Variants in MCM3AP observed in about 807,000 individuals in gnomAD.
MCM3AP encodes germinal-center associated nuclear protein.
A neutral mutation model predicts 184.1 loss-of-function variants in MCM3AP; 126 were observed. That is an observed-to-expected ratio of 0.68 (90% CI 0.59 to 0.79). The LOEUF is 0.79. MCM3AP is among the 30% of genes least tolerant of loss of function. MCM3AP has a pLI of 0.00. For synonymous variants in MCM3AP, 1,002 were observed against 979.3 expected (o/e 1.02, Z -0.43); for missense variants, 2,496 against 2,479.2 (o/e 1.01, Z -0.14).
In MCM3AP at chr21:46,265,232, C is replaced by T. The variant is rs2081093794; in HGVS notation, c.3234+89G>A. ...CTGGACTCTCCTGAGAGACCAGGCG[C>T]CACAGCCCCACCTCATGGGGTGATG... On this transcript the variant is annotated intron_variant, in intron 12 of 27. Transcript: ENST00000291688. 7.1e-6 allele frequency: 9 copies of T among 1,269,124 alleles called. No individual in the cohort carries two copies. The South Asian group carries it at 1.2e-4, about 16-fold the overall frequency. 78.6% of individuals were successfully genotyped at this position (1,269,124 alleles called of 1,614,324 possible).
chr21:46,285,017 A>G lies in MCM3AP; in HGVS notation c.270T>C (p.Thr90=), dbSNP rs763238116. ...GCCCAGAGGTAGCCACAAAGGTGGA[A>G]GTGTGCTCAAGTCCAGAAAAGGGTC... The part of the protein sequence containing the change: ...SVGPFSGLEH[T]STFVATSGPS... Residue 90 remains threonine (T), a synonymous_variant, in exon 1 of 28, where the codon ACT becomes ACC. Transcript: ENST00000291688. The G allele has an allele frequency of 6.2e-7, 1 of 1,614,218 alleles. No homozygotes were observed. The highest frequency in any genetic ancestry group is 1.3e-5 in the African/African-American group (1 of 75,060).
rs375835491 is a variant in MCM3AP, at chr21:46,258,921, T to G, written c.3734+18A>C. The G allele has an allele frequency of 1.4e-5, 23 of 1,613,834 alleles. No individual in the cohort carries two copies. In the African/African-American group the frequency reaches 2.7e-4, roughly 19 times the overall value. On this transcript the variant is annotated intron_variant, in intron 16 of 27. Transcript: ENST00000291688. The stretch of plus-strand genomic sequence containing the variant: ...TCCCCGTGTGTGTGGATTTTGCCTG[T>G]AGGAACACAGGACTCACCGCTGTAG...
chr21:46,249,213 C>T (rs1325154912), intron 20 of MCM3AP, among the ~76,000 whole-genome samples: 2 of 152,108 alleles, frequency 1.3e-5, no homozygotes, highest in African/African-American at 2.4e-5. Flanking sequence ...TCTTTTGAGA[C>T]GGGGTCTTCC....
intron 19 of MCM3AP, chr21:46,253,638 T>C (rs1006368217): frequency 4.0e-5 from 6 of 151,738 alleles, no homozygotes; most frequent in African/African-American, 1.5e-4. Context: ...CCCTTCGCTG[T>C]TGTCATGATA....
intron 26 of MCM3AP, among the ~76,000 whole-genome samples, chr21:46,240,026 G>A (rs536028258): frequency 6.6e-6 from 1 of 152,288 alleles, no homozygotes; most frequent in East Asian, 1.9e-4. Context: ...AACATGAAGT[G>A]GTGGCTAAAG....
At chr21:46,240,789 A>C in intron 26 of MCM3AP, 22 bp downstream of exon 26, 1 of 1,607,882 alleles carries the variant, frequency 6.2e-7, no homozygotes, top group Non-Finnish European at 8.5e-7. Flanking sequence ...ACACACATGA[A>C]TTAGAAGGAA....
At chr21:46,266,941 AAAGGAG>A in intron 10 of MCM3AP, 35 bp downstream of exon 10, 1 of 1,607,408 alleles carries the variant, frequency 6.2e-7, no homozygotes, top group Non-Finnish European at 8.5e-7. Flanking sequence ...TAACAAGAAA[AAAGGAG>A]ACAGGGGCCC....
intron 5 of MCM3AP, 38 bp from the exon 6 acceptor site, chr21:46,275,363 T>C (rs765742312): frequency 3.2e-6 from 5 of 1,581,432 alleles, no homozygotes; most frequent in African/African-American, 1.4e-5. Flanking sequence ...ATGTACCACA[T>C]GGTTAGCACG....
intron 26 of MCM3AP, among the ~76,000 whole-genome samples, chr21:46,239,213 C>T (rs2080603411): frequency 6.6e-6 from 1 of 152,204 alleles, no homozygotes. Flanking sequence ...CTGGCCACCC[C>T]TGCAAAGTTT....
rs2081402476 is a variant in MCM3AP at position 46,285,459 on chromosome 21, G to T, written c.-173C>A. 5.0e-6 allele frequency: 3 copies of T among 597,758 alleles called. No individual in the cohort carries two copies. Among genetic ancestry groups the T allele is most frequent in the South Asian group, 4.1e-5 (2 of 48,446 alleles). The allele number at this position is 597,758 out of a possible 1,614,324, so 37.0% of individuals were successfully genotyped here. On this transcript the variant is annotated 5_prime_UTR_variant, in exon 1 of 28. Coordinates refer to ENST00000291688, the MANE Select transcript of MCM3AP (RefSeq NM_003906.5). Reference sequence around the variant, plus strand: ...CTACAAGTCTAAGAAAAGAATTTTTGAACACTGTCATACTAAAAGGATAAC... The same window carrying T: ...CTACAAGTCTAAGAAAAGAATTTTTTAACACTGTCATACTAAAAGGATAAC...
chr21:46,239,224 G>C (rs1434529853), intron 26 of MCM3AP, among the ~76,000 whole-genome samples: 2 of 152,218 alleles, frequency 1.3e-5, no homozygotes, highest in Non-Finnish European at 2.9e-5. Flanking sequence ...TGCAAAGTTT[G>C]CCTTTGATTG....
intron 8 of MCM3AP, among the ~76,000 whole-genome samples, chr21:46,271,733 TG>T (rs1490512309): frequency 6.6e-6 from 1 of 151,818 alleles, no homozygotes; most frequent in Non-Finnish European, 1.5e-5. Flanking sequence ...TGGTGGTATG[TG>T]CCTGTAATCC....
chr21:46,237,047 T>C, intron 26 of MCM3AP, 68 bp from the exon 27 acceptor site: 1 of 860,434 alleles, frequency 1.2e-6, no homozygotes, highest in East Asian at 3.1e-5. Context: ...TCATTAATCT[T>C]CTATATATAC....
chr21:46,258,212 G>C (rs2080986399), intron 16 of MCM3AP, among the ~76,000 whole-genome samples: 1 of 152,212 alleles, frequency 6.6e-6, no homozygotes, highest in South Asian at 2.1e-4. Context: ...GTTGTAGAAG[G>C]AAGACTCACT....
At chr21:46,280,666 CCATT>C (rs2081320550) in intron 2 of MCM3AP, 91 bp from the exon 3 acceptor site, 2 of 823,684 alleles carry the variant, frequency 2.4e-6, no homozygotes, top group South Asian at 1.5e-5. Flanking sequence ...GCACAACAGA[CCATT>C]CAAAGGCACC....
At chr21:46,268,695 C>CT (rs1320756066) in intron 9 of MCM3AP, among the ~76,000 whole-genome samples, 2 of 152,256 alleles carry the variant, frequency 1.3e-5, no homozygotes, top group African/African-American at 4.8e-5. Flanking sequence ...CTGTGCGCCA[C>CT]TGCCGGTGAA....
intron 2 of MCM3AP, among the ~76,000 whole-genome samples, chr21:46,281,394 A>G (rs2081330489): frequency 6.6e-6 from 1 of 152,264 alleles, no homozygotes; most frequent in Non-Finnish European, 1.5e-5. Context: ...AACAGGAGAG[A>G]TGAGGATATT....
At position 46,260,076 on chromosome 21, in the gene MCM3AP, T is replaced by TA. The variant is rs540730781; in HGVS notation, c.3581+716dup. ...GGGCGACAGAGCAAGACTCCGTCTT[T>TA]AAAAAAAAAAAGTGCAAGAGTCTGC... On this transcript the variant is annotated intron_variant, in intron 15 of 27. Coordinates refer to ENST00000291688, the MANE Select transcript of MCM3AP (RefSeq NM_003906.5). 7.8e-4 allele frequency among the ~76,000 whole-genome samples: 113 copies of TA among 145,070 alleles called. 1 individual carries two copies. Among genetic ancestry groups the TA allele is most frequent in the South Asian group, 4.4e-3 (20 of 4,570 alleles).
rs541892506 is a variant in MCM3AP, at chr21:46,235,399, G to A, written c.5812C>T (p.Leu1938=). Residue 1938 remains leucine (L), a synonymous_variant, in exon 28 of 28, where the codon CTG becomes TTG. Coordinates refer to ENST00000291688, the MANE Select transcript of MCM3AP (RefSeq NM_003906.5). The stretch of plus-strand genomic sequence containing the variant: ...AGACACGTTCCTGTCGCCTCTGACA[G>A]CTGCAGTTGCTCCCTCATCATGTCA... ...QSDMMREQLQ[L]SEATGTCLGE... 2.2e-4 allele frequency: 353 copies of A among 1,614,076 alleles called. 4 individuals carry two copies. The South Asian group carries it at 3.7e-3, about 17-fold the overall frequency.
Sources: gnomAD v4.1 joint callset for allele counts (sites outside exome capture counted in the v4.1 genomes callset) on GRCh38, gnomAD v4.1.1 for gene constraint, MANE v1.5 for transcripts, NCBI Gene and HGNC (gene_info 2026-07-23, HGNC 2026-07-21) for gene names.